APC2: variants seen among roughly 807,000 people sequenced by gnomAD.
APC2 encodes the protein adenomatous polyposis coli protein 2.
A neutral mutation model predicts 72.5 loss-of-function variants in APC2; 41 were observed. The ratio of observed to expected loss-of-function variants is 0.57; its 90% confidence interval spans 0.44 to 0.73. The LOEUF is 0.73. Among genes scored for constraint, APC2 ranks in the 30% least tolerant of loss-of-function variants. The pLI, the probability that APC2 is intolerant of heterozygous loss-of-function variation, is 0.00. For missense variants in APC2, 3,729 were observed against 3,403.4 expected (o/e 1.10, Z -2.38); for synonymous variants, 1,898 against 1,612.0 (o/e 1.18, Z -4.25).
In APC2 at chr19:1,453,343, C is replaced by T. The variant is rs572324215; in HGVS notation, c.232+6C>T. 8.5e-5 allele frequency: 137 copies of T among 1,608,124 alleles called. 5 individuals are homozygous for T. The South Asian group carries it at 1.2e-3, about 14-fold the overall frequency. Reference sequence around the variant, plus strand: ...GGTGCTGGAGCAGCTGAAGGGTGAGCGGTGGGGCCACCCGCAGAGGGAGTG... The same window carrying T: ...GGTGCTGGAGCAGCTGAAGGGTGAGTGGTGGGGCCACCCGCAGAGGGAGTG... On this transcript the variant is annotated splice_donor_region_variant and intron_variant, in intron 3 of 14. Coordinates refer to ENST00000590469, the MANE Select transcript of APC2 (RefSeq NM_005883.3).
Position 1,457,969 on chromosome 19 carries a change from G to C in APC2, c.1212G>C (p.Pro404=), listed in dbSNP as rs758297254. Residue 404 remains proline, a synonymous_variant, in exon 10 of 15, where the codon CCG becomes CCC. Coordinates refer to ENST00000590469, the MANE Select transcript of APC2 (RefSeq NM_005883.3). Reference sequence around the variant, plus strand: ...ATCTGGTCCCTGTGCCCACAGCCCCGATCCCCATCGAGCCGCAGATCTGCC... The same window carrying C: ...ATCTGGTCCCTGTGCCCACAGCCCCCATCCCCATCGAGCCGCAGATCTGCC... The part of the protein sequence containing the change: ...GPEGGGAGSA[P]IPIEPQICQA... 1.3e-6 allele frequency: 2 copies of C among 1,552,574 alleles called. No individual in the cohort carries two copies. The highest frequency in any genetic ancestry group is 1.7e-6 in the Non-Finnish European group (2 of 1,149,040).
Position 1,462,078 on chromosome 19 carries a change from T to C in APC2, c.1754T>C (p.Leu585Pro). Residue 585 changes from leucine to proline, a missense_variant, in exon 14 of 15, where the codon CTG becomes CCG. Coordinates refer to ENST00000590469, the MANE Select transcript of APC2 (RefSeq NM_005883.3). ...DGALGFLVST[L>P]TYKCQSNSLA... Reference sequence around the variant, plus strand: ...GCCCTGGGCTTCCTGGTGAGCACCCTGACCTACAAGTGTCAGAGCAACTCG... The same window carrying C: ...GCCCTGGGCTTCCTGGTGAGCACCCCGACCTACAAGTGTCAGAGCAACTCG... 1 of 1,613,042 alleles carries C rather than the reference T, an allele frequency of 6.2e-7. No homozygotes were observed. Among genetic ancestry groups the C allele is most frequent in the Non-Finnish European group, 8.5e-7 (1 of 1,180,010 alleles).
chr19:1,466,024 G>A lies in APC2; in HGVS notation c.2723G>A (p.Arg908Gln), dbSNP rs764938948. Residue 908 changes from arginine (R) to glutamine (Q), a missense_variant, in exon 15 of 15, where the codon CGG becomes CAG. Transcript: ENST00000590469. ...PEGGRREAGS[R>Q]AHPLLRLKAA... is the part of the protein sequence containing the mutation. ...GGCGGGCGGCGAGAGGCAGGAAGCC[G>A]GGCGCACCCGCTGCTGCGGCTCAAG... is the stretch of plus-strand genomic sequence containing the variant. 1.3e-6 allele frequency: 2 copies of A among 1,494,210 alleles called. No homozygotes were observed. The highest frequency in any genetic ancestry group is 1.3e-5 in the South Asian group (1 of 76,016). The allele number at this position is 1,494,210 out of a possible 1,614,324, so 92.6% of individuals were successfully genotyped here. A position where few individuals can be genotyped will look rare whatever the true frequency, so the allele number is the denominator to read the frequency against.
intron 10 of APC2, among the ~76,000 whole-genome samples, chr19:1,459,727 G>A (rs2083894183): frequency 6.6e-6 from 1 of 152,220 alleles, no homozygotes. Flanking sequence ...TGGGGAAGCG[G>A]GGCGAGTGAA....
intron 10 of APC2, 115 bp downstream of exon 10, chr19:1,458,175 C>A: frequency 3.1e-6 from 3 of 956,104 alleles, no homozygotes; most frequent in South Asian, 1.5e-5. Context: ...GGGATTGGAG[C>A]CCGGAGAGGG....
At chr19:1,450,091 GCATCCCT>G (rs1254825679), upstream of APC2, 1 of 962,222 alleles carries the variant, frequency 1.0e-6, no homozygotes, top group Non-Finnish European at 1.2e-6. Context: ...TGTCTCACCC[GCATCCCT>G]CATCCCGCAT....
Position 1,470,492 on chromosome 19 carries a change from AGC to A in APC2, c.*285_*286del. ...GCAAGGGCGTCCTGGCCCAGCCCTG[AGC>A]GCGCGGCCCTTCCCCTGTCGGAAGC... On this transcript the variant is annotated 3_prime_UTR_variant, in exon 15 of 15. Coordinates refer to ENST00000590469, the MANE Select transcript of APC2 (RefSeq NM_005883.3). 2.4e-6 allele frequency: 1 copy of A among 412,228 alleles called. No individual in the cohort carries two copies. The highest frequency in any genetic ancestry group is 4.2e-5 in the East Asian group (1 of 23,620). 25.5% of individuals were successfully genotyped at this position (412,228 alleles called of 1,614,324 possible). A position where few individuals can be genotyped will look rare whatever the true frequency, so the allele number is the denominator to read the frequency against.
At chr19:1,450,104 C>T (rs1296020651), upstream of APC2, 20 of 979,956 alleles carry the variant, frequency 2.0e-5, no homozygotes, top group South Asian at 6.6e-4. Flanking sequence ...TCCCTCATCC[C>T]GCATCCTCCC....
upstream of APC2, among the ~76,000 whole-genome samples, chr19:1,448,555 A>G (rs2083707453): frequency 6.7e-6 from 1 of 149,936 alleles, no homozygotes; most frequent in Non-Finnish European, 1.5e-5. Flanking sequence ...AAAAAAAAAA[A>G]AAAAAAAAGG....
At chr19:1,456,001 C>T (rs1327974698) in intron 6 of APC2, 75 bp from the exon 7 acceptor site, 19 of 1,366,380 alleles carry the variant, frequency 1.4e-5, no homozygotes, top group East Asian at 2.9e-5. Flanking sequence ...AGGGTGGGGT[C>T]ATCCCAGGGA....
At chr19:1,453,695 G>C (rs371630840) in intron 4 of APC2, 84 bp downstream of exon 4, 5 of 1,492,986 alleles carry the variant, frequency 3.3e-6, no homozygotes, top group Non-Finnish European at 4.5e-6. Flanking sequence ...TCGCCCACCC[G>C]CATATGTCTC....
intron 13 of APC2, 102 bp downstream of exon 13, chr19:1,461,255 C>T (rs982049264): frequency 1.0e-6 from 1 of 989,736 alleles, no homozygotes; most frequent in East Asian, 2.4e-5. Flanking sequence ...TCAAGTTGAA[C>T]AGCTCACTGC....
At chr19:1,460,356 C>T (rs1391717110) in intron 11 of APC2, 36 bp downstream of exon 11, 5 of 1,612,442 alleles carry the variant, frequency 3.1e-6, no homozygotes, top group Non-Finnish European at 4.2e-6. Context: ...GCACTTTCCT[C>T]ATCCAGTCTT....
Position 1,468,469 on chromosome 19 carries a change from G to T in APC2, c.5168G>T (p.Gly1723Val), listed in dbSNP as rs778629277. 3 of 1,601,022 alleles carry T rather than the reference G, an allele frequency of 1.9e-6. No individual in the cohort carries two copies. The change falls in exon 15 of 15, where the codon GGG (glycine) becomes GTG (valine). Residue 1723 changes from glycine to valine, a missense_variant. Physicochemically the swap from Gly to Val is moderately radical, Grantham distance 109. Coordinates refer to ENST00000590469, the MANE Select transcript of APC2 (RefSeq NM_005883.3). ...ESDSILSFVS[G>V]LSVGSTLQPP... The stretch of plus-strand genomic sequence containing the variant: ...GACTCCATCCTGTCCTTCGTATCCG[G>T]GCTGTCAGTGGGATCCACCCTACAG...
At position 1,469,245 on chromosome 19, in the gene APC2, G is replaced by A. The variant is rs533425970; in HGVS notation, c.5944G>A (p.Gly1982Ser). 2.8e-6 allele frequency: 4 copies of A among 1,426,222 alleles called. No homozygotes were observed. Among genetic ancestry groups the A allele is most frequent in the East Asian group, 6.7e-5 (2 of 29,646 alleles). 88.3% of individuals were successfully genotyped at this position (1,426,222 alleles called of 1,614,324 possible). Residue 1982 changes from glycine (G) to serine (S), a missense_variant, in exon 15 of 15, where the codon GGC (glycine) becomes AGC (serine). Coordinates refer to ENST00000590469, the MANE Select transcript of APC2 (RefSeq NM_005883.3). Reference protein sequence around the residue: ...LVRVASALSSGSESSDRSGFR... With the variant: ...LVRVASALSSSSESSDRSGFR... ...GCGTGTGGCCTCAGCCCTCTCCAGCGGCAGCGAGTCCTCCGACCGCTCGGG... is the reference window on the plus strand; with the variant it reads ...GCGTGTGGCCTCAGCCCTCTCCAGCAGCAGCGAGTCCTCCGACCGCTCGGG...
intron 14 of APC2, among the ~76,000 whole-genome samples, chr19:1,464,201 T>C (rs1469309243): frequency 6.6e-6 from 1 of 151,978 alleles, no homozygotes; most frequent in Non-Finnish European, 1.5e-5. Flanking sequence ...CCCACCTACT[T>C]GGGAGGCTAA....
chr19:1,466,314 C>A lies in APC2; in HGVS notation c.3013C>A (p.Leu1005Ile). The A allele has an allele frequency of 6.5e-7, 1 of 1,544,302 alleles. No homozygotes were observed. The highest frequency in any genetic ancestry group is 1.2e-5 in the South Asian group (1 of 83,422). ...GCCTACCTATCAGCACGTGCCACTG[C>A]TTGAGGGTGCCTCAAGGGCGGGTGC... ...LSPTYQHVPL[L>I]EGASRAGAEP... Residue 1005 changes from leucine (L) to isoleucine (I), a missense_variant, in exon 15 of 15, where the codon CTT becomes ATT. Transcript: ENST00000590469.
chr19:1,465,833 G>T lies in APC2; in HGVS notation c.2532G>T (p.Lys844Asn). 1 of 1,579,166 alleles carries T rather than the reference G, an allele frequency of 6.3e-7. No homozygotes were observed. The part of the protein sequence containing the change: ...SGEAAVAAKA[K>N]AKLALAVARI... ...AGGCAGCCGTGGCGGCCAAGGCCAA[G>T]GCCAAGCTGGCGCTTGCAGTGGCGC... Residue 844 changes from lysine to asparagine, a missense_variant, in exon 15 of 15, where the codon AAG (lysine) becomes AAT (asparagine). Physicochemically the swap from Lys to Asn is moderately conservative, Grantham distance 94 (BLOSUM62 0). Coordinates refer to ENST00000590469, the MANE Select transcript of APC2 (RefSeq NM_005883.3).
At chr19:1,454,983 C>A (rs1187282749) in intron 4 of APC2, among the ~76,000 whole-genome samples, 166 bp from the exon 5 acceptor site, 1 of 46,264 alleles carries the variant, frequency 2.2e-5, no homozygotes, top group African/African-American at 1.1e-4. Context: ...AATTTCAATA[C>A]CCACCCCCCC....
Sources: gnomAD v4.1 joint callset for allele counts (sites outside exome capture counted in the v4.1 genomes callset) on GRCh38, gnomAD v4.1.1 for gene constraint, MANE v1.5 for transcripts, NCBI Gene and HGNC (gene_info 2026-07-23, HGNC 2026-07-21) for gene names.